Variants in SPTBN4 observed in about 807,000 individuals in gnomAD.
The protein encoded by SPTBN4 is spectrin beta chain, non-erythrocytic 4.
A neutral mutation model predicts 277.8 loss-of-function variants in SPTBN4; 96 were observed. The ratio of observed to expected loss-of-function variants is 0.35; its 90% confidence interval spans 0.29 to 0.41. The LOEUF is 0.41. SPTBN4 is among the 10% of genes least tolerant of loss of function. SPTBN4 has a pLI of 1.00. For synonymous variants in SPTBN4, 1,481 were observed against 1,580.3 expected (o/e 0.94, Z 1.49); for missense variants, 3,006 against 3,595.7 (o/e 0.84, Z 4.19).
Position 40,529,114 on chromosome 19 carries a change from C to T in SPTBN4, c.3931C>T (p.Leu1311Phe), listed in dbSNP as rs2080630060. ...LHDQLELQHF[L>F]RDCHELDGWI... is the part of the protein sequence containing the mutation. ...TGACCAACTTGAGCTGCAGCACTTC[C>T]TCCGAGACTGCCACGAGGTAGGAAC... is the stretch of plus-strand genomic sequence containing the variant. The change falls in exon 18 of 36, where the codon CTC becomes TTC. Residue 1311 changes from leucine (L) to phenylalanine (F), a missense_variant. By Grantham distance (22) the Leu-to-Phe change is conservative. This residue lies in a region of SPTBN4 where 1,759 missense variants were observed against 2,061.5 expected (regional missense o/e 0.85). Transcript: ENST00000598249. 6.2e-7 allele frequency: 1 copy of T among 1,613,970 alleles called. No homozygotes were observed. The highest frequency in any genetic ancestry group is 8.5e-7 in the Non-Finnish European group (1 of 1,179,942).
At chr19:40,468,545 T>A (rs1030685484) in intron 1 of SPTBN4, among the ~76,000 whole-genome samples, 1 of 152,136 alleles carries the variant, frequency 6.6e-6, no homozygotes, top group Non-Finnish European at 1.5e-5. Context: ...CCTGGCTAAT[T>A]TTTGTATTTT....
intron 4 of SPTBN4, among the ~76,000 whole-genome samples, chr19:40,491,713 C>CAAA (rs35237688): frequency 0.034 from 1,310 of 38,760 alleles, 120 homozygotes; most frequent in East Asian, 0.089. Context: ...GACTCTGTCT[C>CAAA]AAAAAAAAAA....
intron 2 of SPTBN4, among the ~76,000 whole-genome samples, chr19:40,477,925 G>A (rs906638365): frequency 6.6e-6 from 1 of 152,028 alleles, no homozygotes; most frequent in Admixed American, 6.6e-5. Flanking sequence ...TGCAACCTCC[G>A]CCTCCTGGGT....
chr19:40,551,333 G>A (rs756216115), intron 22 of SPTBN4, among the ~76,000 whole-genome samples: 2 of 152,006 alleles, frequency 1.3e-5, no homozygotes, highest in Non-Finnish European at 2.9e-5. Flanking sequence ...AAGCTGCAGT[G>A]AGCCTTGAAC....
intron 3 of SPTBN4, among the ~76,000 whole-genome samples, chr19:40,489,681 C>T (rs1446407094): frequency 6.6e-6 from 1 of 152,216 alleles, no homozygotes; most frequent in African/African-American, 2.4e-5. Context: ...AGCCACTACG[C>T]CGGGGCGGCC....
chr19:40,508,837 T>C (rs1329024254), intron 13 of SPTBN4, among the ~76,000 whole-genome samples: 1 of 152,000 alleles, frequency 6.6e-6, no homozygotes, highest in Non-Finnish European at 1.5e-5. Flanking sequence ...GGGGTCTTAA[T>C]CATTTTGATC....
At chr19:40,488,789 G>A (rs893251905) in intron 3 of SPTBN4, among the ~76,000 whole-genome samples, 4 of 152,046 alleles carry the variant, frequency 2.6e-5, no homozygotes, top group African/African-American at 9.7e-5. Flanking sequence ...CAGCCTGGGC[G>A]ACAAAGCGAG....
rs528135288 is a variant in SPTBN4 at position 40,515,872 on chromosome 19, G to GCACACA, written c.2903+447_2903+452dup. On this transcript the variant is annotated intron_variant, in intron 15 of 35. Transcript: ENST00000598249. The surrounding 1 kb of genome is among the most constrained non-coding windows in gnomAD (Gnocchi z 4.1). ...ACCCCGTCTCTCTCTCTACGTGCGC[G>GCACACA]CACACACACACACACACACACACAC... 2.2e-4 allele frequency among the ~76,000 whole-genome samples: 30 copies of GCACACA among 136,110 alleles called. No homozygotes were observed. Among genetic ancestry groups the GCACACA allele is most frequent in the Admixed American group, 6.1e-4 (8 of 13,212 alleles). 89.3% of individuals were successfully genotyped at this position (136,110 alleles called of 152,430 possible).
chr19:40,509,334 C>T (rs562085424), intron 13 of SPTBN4, among the ~76,000 whole-genome samples: 75 of 152,250 alleles, frequency 4.9e-4, no homozygotes, highest in Non-Finnish European at 1.5e-5. Context: ...CAACCTCTGC[C>T]TCCTGGGTTC....
At chr19:40,475,591 A>G (rs556824086) in intron 2 of SPTBN4, among the ~76,000 whole-genome samples, 1 of 152,086 alleles carries the variant, frequency 6.6e-6, no homozygotes, top group East Asian at 2.0e-4. Context: ...AGTCCCGAGT[A>G]GCTGGGACTA....
Position 40,520,091 on chromosome 19 carries a change from G to A in SPTBN4, c.3594G>A (p.Ala1198=). 5.4e-6 allele frequency: 8 copies of A among 1,490,562 alleles called. No individual in the cohort carries two copies. Among genetic ancestry groups the A allele is most frequent in the Non-Finnish European group, 7.1e-6 (8 of 1,124,036 alleles). 92.3% of individuals were successfully genotyped at this position (1,490,562 alleles called of 1,614,324 possible). The change falls in exon 16 of 36, where the codon GCG becomes GCA. Residue 1198 remains alanine (A), a synonymous_variant. Coordinates refer to ENST00000598249, the MANE Select transcript of SPTBN4 (RefSeq NM_020971.3). Reference sequence around the variant, plus strand: ...CGCGCAGGGAGGCGCTGGTCCAGGCGCACATCTACCAGCTCTTCCTGCGGG... The same window carrying A: ...CGCGCAGGGAGGCGCTGGTCCAGGCACACATCTACCAGCTCTTCCTGCGGG... ...WEARREALVQ[A]HIYQLFLRDL...
intron 20 of SPTBN4, among the ~76,000 whole-genome samples, chr19:40,543,598 GT>G (rs2080824240): frequency 6.6e-6 from 1 of 152,064 alleles, no homozygotes; most frequent in Non-Finnish European, 1.5e-5. Context: ...GTCATTTGTG[GT>G]AATCTGCTAC....
At chr19:40,572,873 C>T (rs547568735) in intron 35 of SPTBN4, among the ~76,000 whole-genome samples, 4 of 152,168 alleles carry the variant, frequency 2.6e-5, no homozygotes, top group East Asian at 1.9e-4. Flanking sequence ...GCAGGAGAAT[C>T]GTTTGAACCT....
chr19:40,470,919 C>T (rs2079877842), intron 1 of SPTBN4, among the ~76,000 whole-genome samples: 1 of 151,906 alleles, frequency 6.6e-6, no homozygotes. Context: ...GCAGGACCCA[C>T]TGTGCCCAGC....
At chr19:40,516,670 A>G (rs2080464324) in intron 15 of SPTBN4, among the ~76,000 whole-genome samples, 1 of 152,084 alleles carries the variant, frequency 6.6e-6, no homozygotes, top group South Asian at 2.1e-4. Context: ...CTAAAAATAC[A>G]AAAATTATCC....
chr19:40,537,711 A>G (rs775186447), intron 20 of SPTBN4, among the ~76,000 whole-genome samples: 1 of 152,130 alleles, frequency 6.6e-6, no homozygotes, highest in Non-Finnish European at 1.5e-5. Context: ...TGGCTATTCA[A>G]TACCACCTTT....
Position 40,513,270 on chromosome 19 carries a change from G to A in SPTBN4, c.2481G>A (p.Gly827=). The change falls in exon 14 of 36, where the codon GGG becomes GGA. Residue 827 remains glycine (G), a synonymous_variant. Transcript: ENST00000598249. ...ALTGEVEAHR[G]PVSGLRRQLA... ...CCGGGGAGGTGGAGGCACATCGCGG[G>A]CCCGTGAGCGGCCTGCGGCGCCAGC... 1.3e-6 allele frequency: 2 copies of A among 1,531,386 alleles called. No individual in the cohort carries two copies. Among genetic ancestry groups the A allele is most frequent in the Non-Finnish European group, 1.7e-6 (2 of 1,144,590 alleles). The allele number at this position is 1,531,386 out of a possible 1,614,324, so 94.9% of individuals were successfully genotyped here. A position where few individuals can be genotyped will look rare whatever the true frequency, so the allele number is the denominator to read the frequency against.
At chr19:40,567,431 T>A (rs1180653629) in intron 30 of SPTBN4, among the ~76,000 whole-genome samples, 1 of 152,124 alleles carries the variant, frequency 6.6e-6, no homozygotes. Context: ...ACCCAATTTT[T>A]AAAAAAGTGA....
At chr19:40,517,869 G>A (rs2080478182) in intron 15 of SPTBN4, among the ~76,000 whole-genome samples, 1 of 152,130 alleles carries the variant, frequency 6.6e-6, no homozygotes, top group South Asian at 2.1e-4. Flanking sequence ...GGCAAATCTG[G>A]CCAGAGCAGA....
Sources: allele counts gnomAD v4.1 joint callset (sites outside exome capture counted in the v4.1 genomes callset), GRCh38; gene constraint gnomAD v4.1.1; regional missense constraint gnomAD v4.1.1; non-coding constraint Gnocchi (gnomAD v3.1); transcripts MANE v1.5; gene names NCBI Gene and HGNC (gene_info 2026-07-23, HGNC 2026-07-21).